The following PLCXD3 variants were observed in gnomAD, a reference collection of about 807,000 sequenced individuals.
PLCXD3 encodes the protein PI-PLC X domain-containing protein 3.
PLCXD3 carries 19 observed loss-of-function variants against 25.5 expected under a neutral mutation model. That is an observed-to-expected ratio of 0.75 (90% CI 0.52 to 1.09). The LOEUF (loss-of-function observed/expected upper bound fraction) is 1.09. Ranked by LOEUF, PLCXD3 falls within the 50% of genes least tolerant of loss-of-function variation. PLCXD3 has a pLI of 0.00. For missense variants in PLCXD3, 411 were observed against 388.1 expected (o/e 1.06, Z -0.50); for synonymous variants, 174 against 137.6 (o/e 1.26, Z -1.85).
At chr5:41,405,383 C>T (rs1427228190) in intron 1 of PLCXD3, among the ~76,000 whole-genome samples, 1 of 152,118 alleles carries the variant, frequency 6.6e-6, no homozygotes, top group Non-Finnish European at 1.5e-5. Flanking sequence ...AAGCCTTTTA[C>T]CCATAGTTGT....
intron 2 of PLCXD3, among the ~76,000 whole-genome samples, chr5:41,339,239 G>T (rs1253391549): frequency 6.6e-6 from 1 of 152,046 alleles, no homozygotes; most frequent in East Asian, 1.9e-4. Context: ...CACCAGAACT[G>T]CAAGAAAAGT....
intron 1 of PLCXD3, among the ~76,000 whole-genome samples, chr5:41,387,860 T>A (rs1235181368): frequency 6.6e-6 from 1 of 152,140 alleles, no homozygotes; most frequent in Non-Finnish European, 1.5e-5. Context: ...CATAGATAAA[T>A]AATTATAATA....
intron 1 of PLCXD3, among the ~76,000 whole-genome samples, chr5:41,403,424 TC>T: frequency 3.3e-5 from 1 of 30,206 alleles, no homozygotes; most frequent in Non-Finnish European, 7.0e-5. Flanking sequence ...TTTATTATAC[TC>T]TAAGTTTTAG....
At chr5:41,389,637 G>T (rs1226598248) in intron 1 of PLCXD3, among the ~76,000 whole-genome samples, 1 of 152,146 alleles carries the variant, frequency 6.6e-6, no homozygotes, top group Non-Finnish European at 1.5e-5. Flanking sequence ...ATCTGCTGTT[G>T]ATGTTGGTAA....
chr5:41,324,274 G>A (rs1171770254), intron 2 of PLCXD3, among the ~76,000 whole-genome samples: 3 of 152,160 alleles, frequency 2.0e-5, no homozygotes, highest in African/African-American at 7.2e-5. Flanking sequence ...TAAGCAGGGA[G>A]TGTGATAAAT....
At chr5:41,467,774 G>A (rs1748054372) in intron 1 of PLCXD3, among the ~76,000 whole-genome samples, 1 of 152,092 alleles carries the variant, frequency 6.6e-6, no homozygotes, top group African/African-American at 2.4e-5. Context: ...TCTTCTAGAT[G>A]TGGATATTCA....
intron 1 of PLCXD3, among the ~76,000 whole-genome samples, chr5:41,490,249 G>A (rs1748628986): frequency 6.6e-6 from 1 of 152,134 alleles, no homozygotes; most frequent in South Asian, 2.1e-4. Flanking sequence ...ATTGATTTGT[G>A]TATATTGAAC....
intron 2 of PLCXD3, among the ~76,000 whole-genome samples, chr5:41,328,046 G>A (rs2150472662): frequency 6.6e-6 from 1 of 152,060 alleles, no homozygotes; most frequent in Non-Finnish European, 1.5e-5. Context: ...ATCATTTCAA[G>A]ATAAATGAAA....
At chr5:41,447,047 C>G (rs1580377906) in intron 1 of PLCXD3, among the ~76,000 whole-genome samples, 2 of 152,190 alleles carry the variant, frequency 1.3e-5, no homozygotes, top group African/African-American at 4.8e-5. Flanking sequence ...AAGCTCTTCT[C>G]TAATAGCTGT....
intron 2 of PLCXD3, among the ~76,000 whole-genome samples, chr5:41,375,745 T>C (rs1302600466): frequency 6.6e-6 from 1 of 152,132 alleles, no homozygotes; most frequent in African/African-American, 2.4e-5. Context: ...CCCCTAGACC[T>C]GACTCTGCCT....
chr5:41,447,017 C>G (rs1001616667), intron 1 of PLCXD3, among the ~76,000 whole-genome samples: 1 of 152,206 alleles, frequency 6.6e-6, no homozygotes, highest in African/African-American at 2.4e-5. Flanking sequence ...TAACATCCAC[C>G]TACATTCCAC....
At chr5:41,348,754 A>G (rs969793755) in intron 2 of PLCXD3, among the ~76,000 whole-genome samples, 1 of 152,124 alleles carries the variant, frequency 6.6e-6, no homozygotes, top group Non-Finnish European at 1.5e-5. Context: ...TATTAAGTAC[A>G]GAGGCACTGG....
chr5:41,463,931 C>A (rs1747951747), intron 1 of PLCXD3, among the ~76,000 whole-genome samples: 1 of 151,918 alleles, frequency 6.6e-6, no homozygotes, highest in Admixed American at 6.6e-5. Context: ...GGGAGCTCAA[C>A]AAAATCATAA....
intron 1 of PLCXD3, among the ~76,000 whole-genome samples, chr5:41,454,096 T>C (rs529490742): frequency 6.6e-6 from 1 of 151,952 alleles, no homozygotes; most frequent in Non-Finnish European, 1.5e-5. Context: ...TAGATCACAA[T>C]GTATACTGAG....
intron 1 of PLCXD3, among the ~76,000 whole-genome samples, chr5:41,471,747 A>C (rs1748162406): frequency 2.0e-5 from 3 of 150,992 alleles, no homozygotes; most frequent in Non-Finnish European, 4.4e-5. Flanking sequence ...ATGATTAACC[A>C]AACAAAAATA....
chr5:41,479,993 A>T (rs1021351173), intron 1 of PLCXD3, among the ~76,000 whole-genome samples: 1 of 152,200 alleles, frequency 6.6e-6, no homozygotes, highest in African/African-American at 2.4e-5. Context: ...TCTTTCATTT[A>T]ATTTTCTATT....
chr5:41,469,589 T>C (rs186268876), intron 1 of PLCXD3, among the ~76,000 whole-genome samples: 7 of 152,262 alleles, frequency 4.6e-5, no homozygotes. Context: ...TAGTAAGTTG[T>C]ATTGTGTCTA....
chr5:41,320,439 T>C (rs1178452889), intron 2 of PLCXD3, among the ~76,000 whole-genome samples: 2 of 152,248 alleles, frequency 1.3e-5, no homozygotes, highest in Admixed American at 6.5e-5. Flanking sequence ...CAATTGGGAT[T>C]CATCCCTGGG....
At chr5:41,331,172 G>A (rs1743792295) in intron 2 of PLCXD3, among the ~76,000 whole-genome samples, 1 of 152,178 alleles carries the variant, frequency 6.6e-6, no homozygotes. Flanking sequence ...GTTTGCAGAT[G>A]ACATGATTGT....
Sources: gnomAD v4.1 joint callset for allele counts (sites outside exome capture counted in the v4.1 genomes callset) on GRCh38, gnomAD v4.1.1 for gene constraint, MANE v1.5 for transcripts, NCBI Gene and HGNC (gene_info 2026-07-23, HGNC 2026-07-21) for gene names.